The following WWOX variants were observed in gnomAD, a reference collection of about 807,000 sequenced individuals.
WWOX encodes the protein WW domain-containing oxidoreductase.
Under a neutral mutation model 46.2 loss-of-function variants are expected in WWOX, and 69 were observed. That is an observed-to-expected ratio of 1.49 (90% CI 1.23 to 1.82). The LOEUF is 1.82. Among genes scored for constraint, WWOX ranks in the 40% most tolerant of loss-of-function variants. The pLI is 0.00. For synonymous variants in WWOX, 359 were observed against 202.6 expected (o/e 1.77, Z -6.56); for missense variants, 919 against 542.6 (o/e 1.69, Z -6.89).
At chr16:79,167,703 A>G (rs145356705) in intron 8 of WWOX, among the ~76,000 whole-genome samples, 37 of 152,368 alleles carry the variant, frequency 2.4e-4, no homozygotes, top group African/African-American at 8.9e-4. Flanking sequence ...AAACCCTTGT[A>G]TCCTTGTTTT....
intron 8 of WWOX, among the ~76,000 whole-genome samples, chr16:78,916,320 A>T (rs896134589): frequency 2.6e-5 from 4 of 152,202 alleles, no homozygotes; most frequent in African/African-American, 9.7e-5. Context: ...TTTCCTTTAG[A>T]TAAAACAATA....
intron 8 of WWOX, among the ~76,000 whole-genome samples, chr16:78,984,334 C>T (rs891454222): frequency 6.6e-6 from 1 of 152,154 alleles, no homozygotes; most frequent in Non-Finnish European, 1.5e-5. Context: ...AGAAAGCACT[C>T]TCTAGGTCAA....
In WWOX at chr16:78,803,506, G is replaced by T. The variant is rs1410268824; in HGVS notation, c.1056+370754G>T. On this transcript the variant is annotated intron_variant, in intron 8 of 8. Transcript: ENST00000566780. The stretch of plus-strand genomic sequence containing the variant: ...GTGTTGCCCATGCTGGAGTGCAGTG[G>T]TGCGATCACAGCTTTCTGCAGCATT... Among the ~76,000 whole-genome samples, 9 of 152,146 alleles carry T rather than the reference G, an allele frequency of 5.9e-5. No individual in the cohort carries two copies. In the East Asian group the frequency reaches 1.7e-3, roughly 29 times the overall value.
At chr16:78,609,886 GATTA>G (rs1567434134) in intron 8 of WWOX, among the ~76,000 whole-genome samples, 1 of 152,200 alleles carries the variant, frequency 6.6e-6, no homozygotes, top group Non-Finnish European at 1.5e-5. Flanking sequence ...TTGCTTTAGT[GATTA>G]ATTACCAGGT....
intron 8 of WWOX, among the ~76,000 whole-genome samples, chr16:79,174,889 A>C (rs528890645): frequency 6.6e-6 from 1 of 152,226 alleles, no homozygotes; most frequent in African/African-American, 2.4e-5. Flanking sequence ...GCCATCTTGC[A>C]TAAATGGTTG....
chr16:78,985,193 G>A (rs888129534), intron 8 of WWOX, among the ~76,000 whole-genome samples: 3 of 152,198 alleles, frequency 2.0e-5, no homozygotes, highest in Admixed American at 2.0e-4. Context: ...TTTCTTCCAG[G>A]ACTTAACTCT....
At chr16:78,893,008 C>T (rs980672278) in intron 8 of WWOX, among the ~76,000 whole-genome samples, 2 of 152,144 alleles carry the variant, frequency 1.3e-5, no homozygotes, top group African/African-American at 2.4e-5. Flanking sequence ...CAGCAGGAAG[C>T]CCAGCTTCTC....
At chr16:79,045,927 A>C (rs1260231590) in intron 8 of WWOX, among the ~76,000 whole-genome samples, 2 of 149,626 alleles carry the variant, frequency 1.3e-5, no homozygotes, top group Non-Finnish European at 3.0e-5. Context: ...TCAGCCTCCC[A>C]AGTAGCTGGG....
At chr16:79,163,795 C>CAAAA (rs66922536) in intron 8 of WWOX, among the ~76,000 whole-genome samples, 4 of 102,218 alleles carry the variant, frequency 3.9e-5, no homozygotes, top group African/African-American at 1.6e-4. Flanking sequence ...AACTCCACCT[C>CAAAA]AAAAAAAAAA....
chr16:78,438,840 C>A (rs763241662), intron 8 of WWOX, among the ~76,000 whole-genome samples: 2 of 152,076 alleles, frequency 1.3e-5, no homozygotes, highest in Non-Finnish European at 2.9e-5. Context: ...CAATGCTGGT[C>A]CTGTTGCAAA....
intron 2 of WWOX, among the ~76,000 whole-genome samples, chr16:78,108,981 C>G (rs557459907): frequency 6.6e-6 from 1 of 152,094 alleles, no homozygotes; most frequent in African/African-American, 2.4e-5. Context: ...GAGTGAGATG[C>G]TGTCTGAAAA....
rs545552053 is a variant in WWOX, at chr16:78,219,626, G to A, written c.516+55337G>A. Among the ~76,000 whole-genome samples the A allele has an allele frequency of 2.0e-5, 3 of 152,214 alleles. No homozygotes were observed. In the South Asian group the frequency reaches 6.2e-4, roughly 32 times the overall value. ...TTAACTCGGTGAGTCTCAGTTTTGCGAATGAACAGTTCTCTTTTGCTTTCT... is the reference window on the plus strand; with the variant it reads ...TTAACTCGGTGAGTCTCAGTTTTGCAAATGAACAGTTCTCTTTTGCTTTCT... On this transcript the variant is annotated intron_variant, in intron 5 of 8. Coordinates refer to ENST00000566780, the MANE Select transcript of WWOX (RefSeq NM_016373.4).
At chr16:78,952,445 C>T (rs1325647514) in intron 8 of WWOX, among the ~76,000 whole-genome samples, 8 of 150,878 alleles carry the variant, frequency 5.3e-5, no homozygotes, top group African/African-American at 1.5e-4. Context: ...TACAGTGGCA[C>T]GATCTTAGCT....
At chr16:78,550,779 A>C (rs1291117758) in intron 8 of WWOX, 1 of 152,152 alleles carries the variant, frequency 6.6e-6, no homozygotes, top group Non-Finnish European at 1.5e-5. Context: ...TCCATCCTTG[A>C]ATAACTTGGG....
At chr16:78,449,459 T>G (rs1228695663) in intron 8 of WWOX, among the ~76,000 whole-genome samples, 1 of 152,200 alleles carries the variant, frequency 6.6e-6, no homozygotes, top group African/African-American at 2.4e-5. Context: ...GAATTTTGTT[T>G]TAGATTTCAG....
rs181461602 is a variant in WWOX at position 78,978,161 on chromosome 16, G to A, written c.1057-233447G>A. On this transcript the variant is annotated intron_variant, in intron 8 of 8. Coordinates refer to ENST00000566780, the MANE Select transcript of WWOX (RefSeq NM_016373.4). ...TCAAGGTTGACCCACATTGTGGCAT[G>A]TATCAGTACTTCATTCCCTTTTATC... 5.6e-3 allele frequency among the ~76,000 whole-genome samples: 847 copies of A among 152,316 alleles called. 10 individuals carry two copies. The highest frequency in any genetic ancestry group is 0.019 in the African/African-American group (797 of 41,568).
intron 8 of WWOX, among the ~76,000 whole-genome samples, chr16:79,049,642 C>T (rs1158096055): frequency 6.6e-6 from 1 of 152,064 alleles, no homozygotes; most frequent in Admixed American, 6.5e-5. Context: ...TCAAGACCAG[C>T]CTGGCCATGA....
chr16:78,298,816 C>G (rs971659345), intron 5 of WWOX, among the ~76,000 whole-genome samples: 3 of 151,342 alleles, frequency 2.0e-5, no homozygotes, highest in Non-Finnish European at 4.4e-5. Flanking sequence ...AAAATTATGT[C>G]CTTCTAGATT....
In WWOX at chr16:79,045,806, T is replaced by C. The variant is rs1177336194; in HGVS notation, c.1057-165802T>C. The stretch of plus-strand genomic sequence containing the variant: ...TTTTTTTTTTTTTTTTTTTTTTTTT[T>C]TTTTTTTTTTTTTGAGATGGAGTCT... On this transcript the variant is annotated intron_variant, in intron 8 of 8. Coordinates refer to ENST00000566780, the MANE Select transcript of WWOX (RefSeq NM_016373.4). Among the ~76,000 whole-genome samples, 12 of 88,914 alleles carry C rather than the reference T, an allele frequency of 1.3e-4. No homozygotes were observed. In the South Asian group the frequency reaches 1.5e-3, roughly 11 times the overall value. The allele number at this position is 88,914 out of a possible 152,430, so 58.3% of individuals were successfully genotyped here. A position where few individuals can be genotyped will look rare whatever the true frequency, so the allele number is the denominator to read the frequency against.
Sources: gnomAD v4.1 joint callset for allele counts (sites outside exome capture counted in the v4.1 genomes callset) on GRCh38, gnomAD v4.1.1 for gene constraint, MANE v1.5 for transcripts, NCBI Gene and HGNC (gene_info 2026-07-23, HGNC 2026-07-21) for gene names.